ARID1B: variants seen among roughly 807,000 people sequenced by gnomAD.
ARID1B encodes the protein AT-rich interactive domain-containing protein 1B.
ARID1B carries 30 observed loss-of-function variants against 212.3 expected under a neutral mutation model. That is an observed-to-expected ratio of 0.14 (90% CI 0.11 to 0.19). The LOEUF (loss-of-function observed/expected upper bound fraction) is 0.19, where lower values mean the gene tolerates loss of function less well. ARID1B is among the 10% of genes least tolerant of loss of function. The pLI is 1.00. For synonymous variants in ARID1B, 1,402 were observed against 1,301.7 expected, an observed-to-expected ratio of 1.08 and a Z score of -1.66; for missense variants, 2,891 against 3,204.0, an observed-to-expected ratio of 0.90 and a Z score of 2.36.
rs1030615661 is a variant in ARID1B at position 157,088,571 on chromosome 6, G to A, written c.2491+3666G>A. On this transcript the variant is annotated intron_variant, in intron 5 of 19. Coordinates refer to ENST00000636930, the MANE Select transcript of ARID1B (RefSeq NM_001374828.1). ...CTCTGAGAAGTATTAAATATATTAA[G>A]TTATCCAGCGTGCATTATGTTATAT... Among the ~76,000 whole-genome samples the A allele has an allele frequency of 7.9e-5, 12 of 152,120 alleles. No homozygotes were observed. The East Asian group carries it at 9.6e-4, about 12-fold the overall frequency.
intron 2 of ARID1B, among the ~76,000 whole-genome samples, chr6:156,836,674 T>C (rs1346914314): frequency 6.6e-6 from 1 of 152,174 alleles, no homozygotes; most frequent in African/African-American, 2.4e-5. Flanking sequence ...GATTTTTGTT[T>C]GTTTGTTTGA....
Position 156,899,623 on chromosome 6 carries a change from G to A in ARID1B, c.1987-1753G>A, listed in dbSNP as rs868738554. On this transcript the variant is annotated intron_variant, in intron 2 of 19. Coordinates refer to ENST00000636930, the MANE Select transcript of ARID1B (RefSeq NM_001374828.1). ...ACCTATCCTCCTCGCCCCACACCCTGCAGCCAAACTTCCTGGAGCTGGACT... is the reference window on the plus strand; with the variant it reads ...ACCTATCCTCCTCGCCCCACACCCTACAGCCAAACTTCCTGGAGCTGGACT... Among the ~76,000 whole-genome samples, 10 of 152,150 alleles carry A rather than the reference G, an allele frequency of 6.6e-5. No homozygotes were observed. In the South Asian group the frequency reaches 2.1e-3, roughly 32 times the overall value.
intron 4 of ARID1B, among the ~76,000 whole-genome samples, chr6:156,944,342 G>A (rs545346281): frequency 7.9e-5 from 12 of 152,262 alleles, no homozygotes; most frequent in African/African-American, 2.6e-4. Context: ...GCCTTACTGA[G>A]TATATAATCT....
At chr6:157,016,830 T>G (rs1226663797) in intron 4 of ARID1B, among the ~76,000 whole-genome samples, 2 of 152,262 alleles carry the variant, frequency 1.3e-5, no homozygotes, top group Non-Finnish European at 2.9e-5. Flanking sequence ...TGTAAGTATT[T>G]TGAGTCTTAT....
intron 2 of ARID1B, chr6:156,829,846 T>TG (rs1156637748): frequency 6.6e-6 from 1 of 152,656 alleles, no homozygotes; most frequent in Non-Finnish European, 1.5e-5. Flanking sequence ...TTTTTAAAAT[T>TG]GAAAAAAAAA....
chr6:156,915,970 A>AC (rs1050830494), intron 3 of ARID1B, among the ~76,000 whole-genome samples: 10 of 143,736 alleles, frequency 7.0e-5, no homozygotes, highest in Non-Finnish European at 1.1e-4. Flanking sequence ...TACGCGCCCC[A>AC]CCCCCCCAGC....
At chr6:157,184,722 A>T in intron 13 of ARID1B, 1 of 479,566 alleles carries the variant, frequency 2.1e-6, no homozygotes. Context: ...ATATACGTTT[A>T]TTGCTTATAC....
intron 17 of ARID1B, among the ~76,000 whole-genome samples, chr6:157,199,179 A>C (rs1793938683): frequency 6.6e-6 from 1 of 152,224 alleles, no homozygotes; most frequent in African/African-American, 2.4e-5. Context: ...TAACAAGCCC[A>C]AGCTAGAATT....
chr6:157,207,513 C>A lies in ARID1B; in HGVS notation c.6741C>A (p.Asn2247Lys). 6.2e-7 allele frequency: 1 copy of A among 1,614,124 alleles called. No homozygotes were observed. Among genetic ancestry groups the A allele is most frequent in the Non-Finnish European group, 8.5e-7 (1 of 1,180,030 alleles). ...TTAGGTACGTTGGGGATCGCAAAAA[C>A]CCAGTCTGTCGAGAAATGTCCATGG... ...TLVRYVGDRK[N>K]PVCREMSMAL... Residue 2247 changes from asparagine to lysine, a missense_variant, in exon 20 of 20, where the codon AAC becomes AAA. Asn to Lys is a moderately conservative substitution (Grantham distance 94). Transcript: ENST00000636930. The surrounding 1 kb of genome is among the most constrained non-coding windows in gnomAD (Gnocchi z 8.5).
At chr6:157,187,522 C>T (rs1014828643) in intron 13 of ARID1B, among the ~76,000 whole-genome samples, 2 of 152,166 alleles carry the variant, frequency 1.3e-5, no homozygotes, top group South Asian at 2.1e-4. Context: ...CGCTCAACCC[C>T]GCCAGAACTA....
At position 156,898,957 on chromosome 6, in the gene ARID1B, G is replaced by A. The variant is rs112589213; in HGVS notation, c.1987-2419G>A. ...TTGCACTCCAGCTTGGGCAACAAGA[G>A]CAAAATTCTGTCTCAAACAAGCAAA... On this transcript the variant is annotated intron_variant, in intron 2 of 19. Coordinates refer to ENST00000636930, the MANE Select transcript of ARID1B (RefSeq NM_001374828.1). 1.5e-3 allele frequency among the ~76,000 whole-genome samples: 227 copies of A among 152,286 alleles called. 2 individuals carry two copies. The highest frequency in any genetic ancestry group is 9.8e-3 in the South Asian group (47 of 4,820).
At chr6:157,191,630 G>C (rs1001543261) in intron 15 of ARID1B, among the ~76,000 whole-genome samples, 8 of 152,152 alleles carry the variant, frequency 5.3e-5, no homozygotes, top group African/African-American at 1.4e-4. Flanking sequence ...GGCTGTGACT[G>C]TCTGAGCCAC....
At position 156,778,268 on chromosome 6, in the gene ARID1B, C is replaced by G. The variant is rs905464015; in HGVS notation, c.588C>G (p.Phe196Leu). Residue 196 changes from phenylalanine (F) to leucine (L), a missense_variant, in exon 1 of 20, where the codon TTC becomes TTG. Coordinates refer to ENST00000636930, the MANE Select transcript of ARID1B (RefSeq NM_001374828.1). ...HHALQQQLNQFQQQQQQQQQQ... is the reference protein window; with the variant it reads ...HHALQQQLNQLQQQQQQQQQQ... ...CACTACAGCAGCAGCTAAACCAGTT[C>G]CAGCAGCAGCAGCAGCAGCAGCAAC... The G allele has an allele frequency of 6.5e-7, 1 of 1,536,776 alleles. No homozygotes were observed. The highest frequency in any genetic ancestry group is 8.8e-7 in the Non-Finnish European group (1 of 1,142,058).
In ARID1B at chr6:157,062,710, T is replaced by A. The variant is rs560234210; in HGVS notation, c.2248-21952T>A. ...TTTTAAAATATATATATATATATTT[T>A]TTTTTTTTTTGAGATGGAGTTTTGT... On this transcript the variant is annotated intron_variant, in intron 4 of 19. Transcript: ENST00000636930. Among the ~76,000 whole-genome samples the A allele has an allele frequency of 9.5e-3, 1,302 of 137,150 alleles. 17 individuals are homozygous for A. The highest frequency in any genetic ancestry group is 0.03 in the African/African-American group (1,121 of 37,582). 90.0% of individuals were successfully genotyped at this position (137,150 alleles called of 152,430 possible).
At chr6:156,846,533 G>A (rs187712231) in intron 2 of ARID1B, among the ~76,000 whole-genome samples, 3 of 152,162 alleles carry the variant, frequency 2.0e-5, no homozygotes, top group East Asian at 3.9e-4. Flanking sequence ...TCTGAGAACC[G>A]ATCGGCACGT....
chr6:156,808,973 T>A (rs1036903187), intron 1 of ARID1B, among the ~76,000 whole-genome samples: 1 of 152,374 alleles, frequency 6.6e-6, no homozygotes, highest in South Asian at 2.1e-4. Flanking sequence ...CAAAGTCACA[T>A]GGCTTAGCAA....
At chr6:156,953,085 A>T (rs1027450115) in intron 4 of ARID1B, among the ~76,000 whole-genome samples, 1 of 152,228 alleles carries the variant, frequency 6.6e-6, no homozygotes, top group African/African-American at 2.4e-5. Flanking sequence ...TGTCAGCTTT[A>T]TGCACTTATT....
At chr6:157,008,539 C>T (rs1240657491) in intron 4 of ARID1B, among the ~76,000 whole-genome samples, 1 of 152,150 alleles carries the variant, frequency 6.6e-6, no homozygotes, top group Admixed American at 6.5e-5. Flanking sequence ...ACCCTGATCT[C>T]TTCAGCTTAA....
chr6:157,181,975 C>T (rs538219022), intron 12 of ARID1B, among the ~76,000 whole-genome samples: 75 of 152,308 alleles, frequency 4.9e-4, no homozygotes, highest in South Asian at 1.7e-3. Flanking sequence ...GGATGGGGTG[C>T]AGTGGCTTAC....
Sources: gnomAD v4.1 joint callset for allele counts (sites outside exome capture counted in the v4.1 genomes callset) on GRCh38, gnomAD v4.1.1 for gene constraint, Gnocchi (gnomAD v3.1) non-coding constraint, MANE v1.5 for transcripts, NCBI Gene and HGNC (gene_info 2026-07-23, HGNC 2026-07-21) for gene names.